Variants in CEP85L observed in about 807,000 individuals in gnomAD.
The protein encoded by CEP85L is centrosomal protein of 85 kDa-like.
Under a neutral mutation model 100.3 loss-of-function variants are expected in CEP85L, and 60 were observed. That is an observed-to-expected ratio of 0.60 (90% CI 0.49 to 0.74). The LOEUF is 0.74. Among genes scored for constraint, CEP85L ranks in the 30% least tolerant of loss-of-function variants. The pLI is 0.00. For synonymous variants in CEP85L, 319 were observed against 322.7 expected, an observed-to-expected ratio of 0.99 and a Z score of 0.12; for missense variants, 973 against 936.2, an observed-to-expected ratio of 1.04 and a Z score of -0.51.
chr6:118,584,665 CTAAG>C (rs1197833129), intron 2 of CEP85L, among the ~76,000 whole-genome samples: 1 of 152,178 alleles, frequency 6.6e-6, no homozygotes, highest in Admixed American at 6.5e-5. Context: ...AGTGGGTTGC[CTAAG>C]TAAGGAACTT....
intron 4 of CEP85L, among the ~76,000 whole-genome samples, chr6:118,522,403 A>G (rs960520433): frequency 6.6e-6 from 1 of 152,156 alleles, no homozygotes; most frequent in Non-Finnish European, 1.5e-5. Context: ...AGGTATTAAA[A>G]ATACACATCC....
chr6:118,492,705 T>C (rs1481057239), intron 5 of CEP85L, among the ~76,000 whole-genome samples: 3 of 152,162 alleles, frequency 2.0e-5, no homozygotes, highest in Non-Finnish European at 4.4e-5. Flanking sequence ...AGCACATACG[T>C]TAGGCATTGT....
chr6:118,469,071 C>G lies in CEP85L; in HGVS notation c.2254+1G>C. 6.3e-7 allele frequency: 1 copy of G among 1,597,662 alleles called. No homozygotes were observed. Among genetic ancestry groups the G allele is most frequent in the Non-Finnish European group, 8.6e-7 (1 of 1,165,324 alleles). ...ATAAGGACAAGTCATCAGACACTTACATCTTATTCCCAGTAATAATGAAAG... is the reference window on the plus strand; with the variant it reads ...ATAAGGACAAGTCATCAGACACTTAGATCTTATTCCCAGTAATAATGAAAG... On this transcript the variant is annotated splice_donor_variant, in intron 12 of 12. Coordinates refer to ENST00000368491, the MANE Select transcript of CEP85L (RefSeq NM_001042475.3). LOFTEE classifies it high-confidence loss of function.
At chr6:118,569,368 A>AAAG (rs56914205) in intron 2 of CEP85L, among the ~76,000 whole-genome samples, 71 of 140,864 alleles carry the variant, frequency 5.0e-4, no homozygotes, top group African/African-American at 1.7e-3. Flanking sequence ...AAAAAAAAAA[A>AAAG]GGAGTAAAAT....
At position 118,465,482 on chromosome 6, in the gene CEP85L, T is replaced by C. The variant is rs1296652003; in HGVS notation, c.2341A>G (p.Arg781Gly). Residue 781 changes from arginine (R) to glycine (G), a missense_variant, in exon 13 of 13, where the codon AGA (arginine) becomes GGA (glycine). By Grantham distance (125) the Arg-to-Gly change is moderately radical. This residue lies in a region of CEP85L where 890 missense variants were observed against 844.5 expected (regional missense o/e 1.05). Transcript: ENST00000368491. ...GTAGTCCTTAATTCATCAATGTCTC[T>C]TCGTAACTGGCACACATCTGACAGC... ...KKLSDVCQLRRDIDELRTTIS... is the reference protein window; with the variant it reads ...KKLSDVCQLRGDIDELRTTIS... 6.2e-7 allele frequency: 1 copy of C among 1,613,694 alleles called. No homozygotes were observed. The highest frequency in any genetic ancestry group is 8.5e-7 in the Non-Finnish European group (1 of 1,179,674).
At chr6:118,558,660 C>CACAG (rs1318088942) in intron 3 of CEP85L, among the ~76,000 whole-genome samples, 96 of 122,300 alleles carry the variant, frequency 7.8e-4, no homozygotes, top group African/African-American at 1.0e-3. Flanking sequence ...CACACACACA[C>CACAG]AGAGAGAGAG....
chr6:118,574,901 T>G (rs186481960), intron 2 of CEP85L, among the ~76,000 whole-genome samples: 3 of 152,002 alleles, frequency 2.0e-5, no homozygotes, highest in Admixed American at 2.0e-4. Context: ...TATACCAACC[T>G]AAATTCCTGC....
At chr6:118,587,694 T>C (rs1337639569) in intron 2 of CEP85L, among the ~76,000 whole-genome samples, 3 of 152,190 alleles carry the variant, frequency 2.0e-5, no homozygotes, top group Admixed American at 2.0e-4. Flanking sequence ...TGAAGACATC[T>C]GGACTGACAC....
chr6:118,652,547 TAG>T, upstream of CEP85L: 1 of 1,419,908 alleles, frequency 7.0e-7, no homozygotes, highest in Non-Finnish European at 9.2e-7. Context: ...GTCGCTTAAC[TAG>T]AGAGGCTTTG....
intron 3 of CEP85L, among the ~76,000 whole-genome samples, chr6:118,528,905 C>T (rs947583449): frequency 6.6e-6 from 1 of 152,140 alleles, no homozygotes; most frequent in Non-Finnish European, 1.5e-5. Context: ...ACAACTGATA[C>T]ACTACTAAAG....
intron 1 of CEP85L, among the ~76,000 whole-genome samples, chr6:118,662,756 T>C (rs1351178328): frequency 6.6e-6 from 1 of 152,116 alleles, no homozygotes; most frequent in Non-Finnish European, 1.5e-5. Flanking sequence ...TTAAAACATA[T>C]GGACATGGGA....
At chr6:118,659,573 G>T (rs936133935) in intron 1 of CEP85L, among the ~76,000 whole-genome samples, 2 of 152,300 alleles carry the variant, frequency 1.3e-5, no homozygotes, top group Non-Finnish European at 1.5e-5. Context: ...ATACAATTTC[G>T]GTAGGAGGCA....
intron 1 of CEP85L, among the ~76,000 whole-genome samples, chr6:118,646,109 C>A (rs1461602313): frequency 1.3e-5 from 1 of 78,960 alleles, no homozygotes; most frequent in Non-Finnish European, 2.5e-5. Context: ...CCCAGCTACT[C>A]GGGAGGCTGA....
At chr6:118,521,053 AAT>A (rs1400697499) in intron 4 of CEP85L, among the ~76,000 whole-genome samples, 1 of 152,204 alleles carries the variant, frequency 6.6e-6, no homozygotes, top group African/African-American at 2.4e-5. Flanking sequence ...AATTTTGGAT[AAT>A]ATATTTTCAG....
chr6:118,681,915 A>C (rs1332909956), intron 1 of CEP85L, among the ~76,000 whole-genome samples: 1 of 151,682 alleles, frequency 6.6e-6, no homozygotes, highest in Non-Finnish European at 1.5e-5. Context: ...ATTTTTTTGT[A>C]TTTTTAGTAG....
chr6:118,683,207 A>G (rs1776725130), intron 1 of CEP85L, among the ~76,000 whole-genome samples: 1 of 152,162 alleles, frequency 6.6e-6, no homozygotes, highest in Non-Finnish European at 1.5e-5. Flanking sequence ...AAACCTAATA[A>G]CTATGTTTTA....
intron 1 of CEP85L, among the ~76,000 whole-genome samples, chr6:118,659,778 C>T (rs1031814616): frequency 6.6e-6 from 1 of 152,224 alleles, no homozygotes; most frequent in Non-Finnish European, 1.5e-5. Context: ...TCACGGCAGG[C>T]TTAGGAGAAC....
At chr6:118,672,845 A>G (rs2115430553) in intron 1 of CEP85L, among the ~76,000 whole-genome samples, 2 of 151,978 alleles carry the variant, frequency 1.3e-5, no homozygotes, top group South Asian at 4.2e-4. Flanking sequence ...GAGGAAGAGG[A>G]GGAGGAAGAA....
rs563265985 is a variant in CEP85L, at chr6:118,532,316, G to A, written c.1021-8396C>T. On this transcript the variant is annotated intron_variant, in intron 3 of 12. Coordinates refer to ENST00000368491, the MANE Select transcript of CEP85L (RefSeq NM_001042475.3). ...GGGAGCTAAACATCGAATACACATG[G>A]ATACAAAGAAAGGAACAACAGATAC... is the stretch of plus-strand genomic sequence containing the variant. Among the ~76,000 whole-genome samples the A allele has an allele frequency of 6.6e-5, 10 of 152,136 alleles. No individual in the cohort carries two copies. The South Asian group carries it at 1.7e-3, about 25-fold the overall frequency.
Sources: allele counts gnomAD v4.1 joint callset (sites outside exome capture counted in the v4.1 genomes callset), GRCh38; gene constraint gnomAD v4.1.1; regional missense constraint gnomAD v4.1.1; transcripts MANE v1.5; gene names NCBI Gene and HGNC (gene_info 2026-07-23, HGNC 2026-07-21).